The following FHIT variants were observed in gnomAD, a reference collection of about 807,000 sequenced individuals.
FHIT encodes the protein bis(5'-adenosyl)-triphosphatase.
FHIT carries 19 observed loss-of-function variants against 17.9 expected under a neutral mutation model. The observed-to-expected ratio is 1.06, with a 90% CI of 0.74 to 1.56. The LOEUF (loss-of-function observed/expected upper bound fraction) is 1.56, where lower values mean the gene tolerates loss of function less well. FHIT is among the 40% of genes most tolerant of loss of function. The probability of loss-of-function intolerance (pLI) is 0.00; values close to 1 mark genes in which losing one functional copy is unlikely to be tolerated. For synonymous variants in FHIT, 81 were observed against 69.7 expected, an observed-to-expected ratio of 1.16 and a Z score of -0.81; for missense variants, 248 against 189.2, an observed-to-expected ratio of 1.31 and a Z score of -1.82.
intron 5 of FHIT, among the ~76,000 whole-genome samples, chr3:60,305,163 G>C (rs576869262): frequency 9.9e-5 from 15 of 152,156 alleles, no homozygotes; most frequent in South Asian, 2.1e-4. Context: ...CATGGGACCT[G>C]TTAAGACAGA....
chr3:60,403,755 T>C (rs1701750579), intron 5 of FHIT, among the ~76,000 whole-genome samples: 2 of 152,214 alleles, frequency 1.3e-5, no homozygotes, highest in Non-Finnish European at 2.9e-5. Flanking sequence ...ATCATATTTC[T>C]ATATGGCTCT....
intron 5 of FHIT, among the ~76,000 whole-genome samples, chr3:60,532,569 A>G (rs537308005): frequency 4.7e-4 from 71 of 152,344 alleles, no homozygotes; most frequent in African/African-American, 1.7e-3. Context: ...GAAACTCTGA[A>G]AAGCATTTTC....
At chr3:60,218,666 A>G (rs188001324) in intron 5 of FHIT, among the ~76,000 whole-genome samples, 47 of 152,208 alleles carry the variant, frequency 3.1e-4, no homozygotes, top group African/African-American at 1.0e-3. Flanking sequence ...TATGTGCTCA[A>G]TACTAATTAC....
At chr3:60,467,076 T>C (rs2032837841) in intron 5 of FHIT, among the ~76,000 whole-genome samples, 2 of 152,024 alleles carry the variant, frequency 1.3e-5, no homozygotes, top group Non-Finnish European at 2.9e-5. Flanking sequence ...TTTGCATTTC[T>C]TAGTGGTTCA....
intron 3 of FHIT, among the ~76,000 whole-genome samples, chr3:60,883,992 T>C (rs566895554): frequency 3.3e-5 from 5 of 152,238 alleles, no homozygotes; most frequent in Admixed American, 1.3e-4. Context: ...CCAAAATATA[T>C]AAGGAACTCA....
intron 5 of FHIT, among the ~76,000 whole-genome samples, chr3:60,153,036 G>T (rs115570422): frequency 1.1e-3 from 172 of 152,272 alleles, no homozygotes; most frequent in African/African-American, 3.8e-3. Context: ...CAGTCTCTGT[G>T]AAGTTCTTTC....
At chr3:60,204,961 TGGCATGCACCAGTA>T (rs1703103620) in intron 5 of FHIT, among the ~76,000 whole-genome samples, 2 of 151,916 alleles carry the variant, frequency 1.3e-5, no homozygotes, top group African/African-American at 4.8e-5. Context: ...CCAGGCATGG[TGGCATGCACCAGTA>T]GTGTCAGCTA....
intron 3 of FHIT, among the ~76,000 whole-genome samples, chr3:60,887,736 A>G (rs1334975024): frequency 6.6e-6 from 1 of 152,212 alleles, no homozygotes; most frequent in African/African-American, 2.4e-5. Context: ...GCCAGAATGT[A>G]GTAAATGTCA....
intron 4 of FHIT, among the ~76,000 whole-genome samples, chr3:60,663,913 G>A (rs941482305): frequency 6.6e-6 from 1 of 152,098 alleles, no homozygotes; most frequent in Non-Finnish European, 1.5e-5. Flanking sequence ...GATTTCTAGG[G>A]ATTATATATG....
At chr3:60,240,432 C>G (rs1027633325) in intron 5 of FHIT, among the ~76,000 whole-genome samples, 1 of 152,030 alleles carries the variant, frequency 6.6e-6, no homozygotes, top group Non-Finnish European at 1.5e-5. Context: ...CATATGCTAC[C>G]GAGGATGCAA....
intron 1 of FHIT, among the ~76,000 whole-genome samples, chr3:61,230,868 A>G (rs1308150652): frequency 6.6e-6 from 1 of 152,212 alleles, no homozygotes; most frequent in African/African-American, 2.4e-5. Context: ...AGAACAATCT[A>G]TTAAATTTGA....
intron 8 of FHIT, among the ~76,000 whole-genome samples, chr3:59,908,786 A>T (rs17061444): frequency 0.11 from 9,270 of 86,370 alleles, 311 homozygotes; most frequent in South Asian, 0.15. Context: ...AGGGCTGATG[A>T]GATGGTTTGC....
chr3:59,851,742 C>A lies in FHIT; in HGVS notation c.348+70604G>T, dbSNP rs556807832. 2.6e-5 allele frequency among the ~76,000 whole-genome samples: 4 copies of A among 152,308 alleles called. No individual in the cohort carries two copies. In the South Asian group the frequency reaches 8.3e-4, roughly 32 times the overall value. On this transcript the variant is annotated intron_variant, in intron 8 of 9. Coordinates refer to ENST00000492590, the MANE Select transcript of FHIT (RefSeq NM_002012.4). The stretch of plus-strand genomic sequence containing the variant: ...AGTTGCCATTCCCACTAGAATTTAC[C>A]TTGATCCCCAGTGATGCTACATGCA...
chr3:59,928,651 CCAAAACCACAAAGA>C (rs1705793408), intron 7 of FHIT, among the ~76,000 whole-genome samples: 2 of 152,110 alleles, frequency 1.3e-5, no homozygotes, highest in South Asian at 4.1e-4. Flanking sequence ...CATCCTTAGC[CCAAAACCACAAAGA>C]CAATACCACT....
At chr3:60,602,465 A>G (rs2038475856) in intron 4 of FHIT, among the ~76,000 whole-genome samples, 1 of 152,196 alleles carries the variant, frequency 6.6e-6, no homozygotes, top group African/African-American at 2.4e-5. Context: ...GATATTCTCA[A>G]AAGTGAAAAA....
At chr3:61,043,782 T>C (rs903884220) in intron 2 of FHIT, among the ~76,000 whole-genome samples, 13 of 152,300 alleles carry the variant, frequency 8.5e-5, no homozygotes, top group Admixed American at 4.6e-4. Context: ...GACAAAGCTT[T>C]CAGAGGAAGG....
intron 4 of FHIT, among the ~76,000 whole-genome samples, chr3:60,561,806 T>G (rs1356147807): frequency 6.6e-6 from 1 of 152,092 alleles, no homozygotes; most frequent in Non-Finnish European, 1.5e-5. Flanking sequence ...AAAAGGCCTT[T>G]TAGTAACTAG....
chr3:61,117,443 A>T (rs1487093063), intron 2 of FHIT, among the ~76,000 whole-genome samples: 1 of 152,162 alleles, frequency 6.6e-6, no homozygotes, highest in African/African-American at 2.4e-5. Flanking sequence ...ATTGATTTGG[A>T]AGAGTAAGTA....
At chr3:60,190,923 A>T (rs1702375752) in intron 5 of FHIT, among the ~76,000 whole-genome samples, 1 of 151,966 alleles carries the variant, frequency 6.6e-6, no homozygotes, top group Non-Finnish European at 1.5e-5. Flanking sequence ...AGCCTGAGCA[A>T]CAGAGTGAGA....
Sources: gnomAD v4.1 joint callset for allele counts (sites outside exome capture counted in the v4.1 genomes callset) on GRCh38, gnomAD v4.1.1 for gene constraint, MANE v1.5 for transcripts, NCBI Gene and HGNC (gene_info 2026-07-23, HGNC 2026-07-21) for gene names.